Variants in PTPRG observed in about 807,000 individuals in gnomAD.
The protein encoded by PTPRG is receptor-type tyrosine-protein phosphatase gamma.
Under a neutral mutation model 165.3 loss-of-function variants are expected in PTPRG, and 102 were observed. The ratio of observed to expected loss-of-function variants is 0.62; its 90% CI spans 0.53 to 0.73. PTPRG has a LOEUF of 0.73. PTPRG is among the 30% of genes least tolerant of loss of function. The pLI is 0.00. For missense variants in PTPRG, 1,866 were observed against 1,861.4 expected (o/e 1.00, Z -0.05); for synonymous variants, 675 against 669.5 (o/e 1.01, Z -0.13).
intron 2 of PTPRG, among the ~76,000 whole-genome samples, chr3:61,927,658 C>A (rs933307907): frequency 2.0e-5 from 3 of 152,128 alleles, no homozygotes; most frequent in Non-Finnish European, 4.4e-5. Flanking sequence ...TTAAGTAGAA[C>A]CAGGACAGAA....
intron 8 of PTPRG, among the ~76,000 whole-genome samples, chr3:62,173,027 T>C (rs968767706): frequency 6.6e-6 from 1 of 152,216 alleles, no homozygotes; most frequent in Non-Finnish European, 1.5e-5. Context: ...TGTGGGACAT[T>C]GGTTCCAGGA....
rs1700665731 is a variant in PTPRG, at chr3:62,222,118, T to C, written c.2288+3135T>C. 6.6e-6 allele frequency among the ~76,000 whole-genome samples: 1 copy of C among 152,238 alleles called. No homozygotes were observed. ...CTGCTATGGGCCAAATAGTTGGCAA[T>C]ATCATCACCAGAACCCTTTTGTTGT... is the stretch of plus-strand genomic sequence containing the variant. On this transcript the variant is annotated intron_variant, in intron 13 of 29. Coordinates refer to ENST00000474889, the MANE Select transcript of PTPRG (RefSeq NM_002841.4). The surrounding 1 kb of genome is among the most constrained non-coding windows in gnomAD (Gnocchi z 4.5).
intron 2 of PTPRG, among the ~76,000 whole-genome samples, chr3:61,850,671 C>G (rs745760635): frequency 6.6e-6 from 1 of 152,092 alleles, no homozygotes; most frequent in Non-Finnish European, 1.5e-5. Flanking sequence ...TTCTCCTTTA[C>G]TAGATGTTTA....
At chr3:62,230,129 C>G (rs1026570467) in intron 13 of PTPRG, among the ~76,000 whole-genome samples, 9 of 152,204 alleles carry the variant, frequency 5.9e-5, no homozygotes, top group Admixed American at 1.3e-4. Context: ...AATCCCTCCC[C>G]CCTTTTAATC....
At chr3:62,275,993 G>T in intron 24 of PTPRG, 27 bp downstream of exon 24, 2 of 1,516,332 alleles carry the variant, frequency 1.3e-6, no homozygotes, top group Non-Finnish European at 1.8e-6. Flanking sequence ...GTTTGTTAGT[G>T]ATCTTTTATA....
At chr3:61,781,017 G>T (rs918271170) in intron 2 of PTPRG, among the ~76,000 whole-genome samples, 3 of 152,224 alleles carry the variant, frequency 2.0e-5, no homozygotes, top group Non-Finnish European at 1.5e-5. Flanking sequence ...TAGAGTATTT[G>T]ACTTGGGTCT....
At chr3:62,168,633 A>AG (rs1440531560) in intron 8 of PTPRG, among the ~76,000 whole-genome samples, 5 of 152,166 alleles carry the variant, frequency 3.3e-5, no homozygotes, top group African/African-American at 1.2e-4. Context: ...GGAGCACATA[A>AG]GGGAGGGGGA....
At chr3:62,011,035 G>T (rs965848082) in intron 4 of PTPRG, among the ~76,000 whole-genome samples, 18 of 152,152 alleles carry the variant, frequency 1.2e-4, no homozygotes, top group Non-Finnish European at 1.3e-4. Flanking sequence ...GTTTCCGGTT[G>T]CCCCCTTCCC....
chr3:62,007,357 CAAAG>C (rs1031248612), intron 4 of PTPRG, among the ~76,000 whole-genome samples: 1 of 152,214 alleles, frequency 6.6e-6, no homozygotes, highest in African/African-American at 2.4e-5. Flanking sequence ...TAATAGTTAA[CAAAG>C]AAAGCCCTTG....
chr3:62,015,693 A>T (rs1489456188), intron 4 of PTPRG, among the ~76,000 whole-genome samples: 3 of 152,068 alleles, frequency 2.0e-5, no homozygotes, highest in Non-Finnish European at 4.4e-5. Context: ...AGAGTGGGGA[A>T]GACCTGTGGG....
At position 61,736,447 on chromosome 3, in the gene PTPRG, A is replaced by G. The variant is rs544281435; in HGVS notation, c.86-12431A>G. ...GTATTTGGCTTGATTCTCATTAACT[A>G]TTATCTTTTTTTTCCCCCATTGATC... is the stretch of plus-strand genomic sequence containing the variant. On this transcript the variant is annotated intron_variant, in intron 1 of 29. Coordinates refer to ENST00000474889, the MANE Select transcript of PTPRG (RefSeq NM_002841.4). Among the ~76,000 whole-genome samples the G allele has an allele frequency of 6.4e-4, 94 of 146,006 alleles. 1 individual carries two copies. Among genetic ancestry groups the G allele is most frequent in the African/African-American group, 2.0e-3 (78 of 38,668 alleles).
At chr3:61,830,847 C>G (rs1325455764) in intron 2 of PTPRG, among the ~76,000 whole-genome samples, 2 of 152,218 alleles carry the variant, frequency 1.3e-5, no homozygotes, top group African/African-American at 4.8e-5. Context: ...GTGCTGGGAT[C>G]ACAGGCATGG....
At chr3:61,842,517 T>G (rs929043076) in intron 2 of PTPRG, among the ~76,000 whole-genome samples, 11 of 152,056 alleles carry the variant, frequency 7.2e-5, no homozygotes, top group Non-Finnish European at 1.5e-4. Flanking sequence ...GAAAAGATAT[T>G]GAAGGCCCAC....
intron 2 of PTPRG, among the ~76,000 whole-genome samples, chr3:61,833,673 G>A (rs35516431): frequency 0.29 from 44,474 of 151,660 alleles, 6,748 homozygotes; most frequent in East Asian, 0.39. Context: ...AGCAATTCTC[G>A]TGCCTCAGCC....
chr3:62,101,748 C>T (rs1173534419), intron 5 of PTPRG, among the ~76,000 whole-genome samples: 2 of 152,220 alleles, frequency 1.3e-5, no homozygotes, highest in African/African-American at 4.8e-5. Context: ...ATTTCTTCTC[C>T]TGTGAACCAC....
intron 1 of PTPRG, among the ~76,000 whole-genome samples, chr3:61,661,255 A>AC (rs1702656987): frequency 2.6e-5 from 4 of 151,794 alleles, no homozygotes; most frequent in Admixed American, 2.6e-4. Context: ...CTTAAAAAAA[A>AC]TGGGTGCTTG....
intron 1 of PTPRG, among the ~76,000 whole-genome samples, chr3:61,602,663 C>T (rs970986484): frequency 4.6e-5 from 7 of 152,180 alleles, no homozygotes; most frequent in East Asian, 1.9e-4. Context: ...CCCTCTTCGG[C>T]ACAGGGGCTT....
chr3:61,613,142 A>G (rs758548459), intron 1 of PTPRG, among the ~76,000 whole-genome samples: 2 of 152,240 alleles, frequency 1.3e-5, no homozygotes, highest in Non-Finnish European at 2.9e-5. Flanking sequence ...AAAGCCTAGT[A>G]GAATCCTAGC....
intron 2 of PTPRG, among the ~76,000 whole-genome samples, chr3:61,763,622 C>G (rs1470604550): frequency 6.6e-6 from 1 of 151,314 alleles, no homozygotes; most frequent in African/African-American, 2.4e-5. Flanking sequence ...CCACCCGCCT[C>G]AGCCTCCCAA....
Sources: allele counts gnomAD v4.1 joint callset (sites outside exome capture counted in the v4.1 genomes callset), GRCh38; gene constraint gnomAD v4.1.1; non-coding constraint Gnocchi (gnomAD v3.1); transcripts MANE v1.5; gene names NCBI Gene and HGNC (gene_info 2026-07-23, HGNC 2026-07-21).